FARSB: variants seen among roughly 807,000 people sequenced by gnomAD.
FARSB encodes the protein phenylalanine--tRNA ligase beta subunit.
Under a neutral mutation model 69.6 loss-of-function variants are expected in FARSB, and 40 were observed. The ratio of observed to expected loss-of-function variants is 0.57; its 90% CI spans 0.45 to 0.75. The LOEUF (loss-of-function observed/expected upper bound fraction) is 0.75, where lower values mean the gene tolerates loss of function less well. Among genes scored for constraint, FARSB ranks in the 30% least tolerant of loss-of-function variants. The pLI is 0.00. For synonymous variants in FARSB, 235 were observed against 247.2 expected, an observed-to-expected ratio of 0.95 and a Z score of 0.46; for missense variants, 632 against 722.9, an observed-to-expected ratio of 0.87 and a Z score of 1.44.
At position 222,594,993 on chromosome 2, in the gene FARSB, C is replaced by T. The variant is rs1690374297; in HGVS notation, c.1618+4935G>A. Among the ~76,000 whole-genome samples, 6 of 152,142 alleles carry T rather than the reference C, an allele frequency of 3.9e-5. No homozygotes were observed. The South Asian group carries it at 1.2e-3, about 31-fold the overall frequency. On this transcript the variant is annotated intron_variant, in intron 16 of 16. Coordinates refer to ENST00000281828, the MANE Select transcript of FARSB (RefSeq NM_005687.5). Reference sequence around the variant, plus strand: ...GCTTATTTGTTTAATATTGCTTTGTCTTTTAATTCCTTCAAAGAAGCTAAG... The same window carrying T: ...GCTTATTTGTTTAATATTGCTTTGTTTTTTAATTCCTTCAAAGAAGCTAAG...
intron 15 of FARSB, among the ~76,000 whole-genome samples, chr2:222,608,675 GA>G (rs950856833): frequency 6.6e-6 from 1 of 152,178 alleles, no homozygotes; most frequent in African/African-American, 2.4e-5. Flanking sequence ...CGCTCATTTA[GA>G]AAAGTTTCAG....
intron 15 of FARSB, among the ~76,000 whole-genome samples, chr2:222,606,729 G>T (rs1016771669): frequency 5.3e-5 from 8 of 152,096 alleles, no homozygotes; most frequent in Non-Finnish European, 1.0e-4. Context: ...TTTCAAATAG[G>T]CTCCTGTTTG....
At chr2:222,587,945 A>G (rs1265762716) in intron 16 of FARSB, among the ~76,000 whole-genome samples, 1 of 152,228 alleles carries the variant, frequency 6.6e-6, no homozygotes, top group Non-Finnish European at 1.5e-5. Flanking sequence ...AGGTGCTGGT[A>G]CCATTCCTGC....
At chr2:222,643,364 A>G (rs975218456) in intron 2 of FARSB, among the ~76,000 whole-genome samples, 1 of 152,246 alleles carries the variant, frequency 6.6e-6, no homozygotes, top group Non-Finnish European at 1.5e-5. Context: ...ATTCATTTAC[A>G]TATTATCTAC....
chr2:222,582,290 T>C (rs1213263476), intron 16 of FARSB, among the ~76,000 whole-genome samples: 2 of 152,156 alleles, frequency 1.3e-5, no homozygotes, highest in Non-Finnish European at 2.9e-5. Context: ...ATCTCCAATG[T>C]AGGCTGTCAG....
At chr2:222,599,824 T>C in intron 16 of FARSB, 104 bp downstream of exon 16, 1 of 890,726 alleles carries the variant, frequency 1.1e-6, no homozygotes, top group East Asian at 2.6e-5. Flanking sequence ...AAACTCTCCC[T>C]TTCTTTCTAA....
At chr2:222,638,318 C>T (rs1691636457) in intron 5 of FARSB, among the ~76,000 whole-genome samples, 1 of 152,016 alleles carries the variant, frequency 6.6e-6, no homozygotes, top group African/African-American at 2.4e-5. Context: ...CCAGAAATAC[C>T]AAATAAAACA....
intron 16 of FARSB, among the ~76,000 whole-genome samples, chr2:222,588,072 G>C (rs1296098732): frequency 2.0e-5 from 3 of 152,082 alleles, no homozygotes; most frequent in Non-Finnish European, 2.9e-5. Flanking sequence ...GAGAATTTTA[G>C]ACCAATATCC....
chr2:222,580,096 A>G (rs1370098), intron 16 of FARSB, among the ~76,000 whole-genome samples: 41,713 of 151,824 alleles, frequency 0.27, 6,016 homozygotes, highest in Middle Eastern at 0.43. Context: ...TTCATTACAT[A>G]TAAGTAAATA....
At chr2:222,621,634 G>A (rs1691138561) in intron 13 of FARSB, among the ~76,000 whole-genome samples, 1 of 152,170 alleles carries the variant, frequency 6.6e-6, no homozygotes, top group Non-Finnish European at 1.5e-5. Context: ...CAAGGCTGAA[G>A]TACATAAGCC....
chr2:222,617,747 G>A (rs1321840264), intron 14 of FARSB, among the ~76,000 whole-genome samples: 1 of 152,184 alleles, frequency 6.6e-6, no homozygotes, highest in African/African-American at 2.4e-5. Context: ...GCAAGGTATG[G>A]TAGCACACAC....
intron 1 of FARSB, among the ~76,000 whole-genome samples, chr2:222,655,455 T>C (rs2106021598): frequency 6.6e-6 from 1 of 152,334 alleles, no homozygotes; most frequent in Admixed American, 6.5e-5. Flanking sequence ...GAAATCATTT[T>C]ATTAACGTGC....
At chr2:222,577,614 G>T (rs543692889) in intron 16 of FARSB, among the ~76,000 whole-genome samples, 50 of 152,274 alleles carry the variant, frequency 3.3e-4, no homozygotes, top group African/African-American at 1.2e-3. Flanking sequence ...TGCTTCAAAA[G>T]AAATCAGCAA....
chr2:222,602,755 C>T (rs1003220733), intron 15 of FARSB, among the ~76,000 whole-genome samples: 2 of 151,828 alleles, frequency 1.3e-5, no homozygotes, highest in Non-Finnish European at 2.9e-5. Flanking sequence ...TATGATGCTG[C>T]GTATTTCTAT....
At chr2:222,602,376 C>T (rs964942255) in intron 15 of FARSB, among the ~76,000 whole-genome samples, 2 of 151,388 alleles carry the variant, frequency 1.3e-5, no homozygotes, top group African/African-American at 2.4e-5. Flanking sequence ...AAAAAAATTA[C>T]ATAAATGGAT....
At chr2:222,653,991 GA>G (rs562888594) in intron 1 of FARSB, among the ~76,000 whole-genome samples, 85 of 149,376 alleles carry the variant, frequency 5.7e-4, no homozygotes, top group African/African-American at 2.0e-3. Context: ...CTGACAATAT[GA>G]AAAAAAAAGG....
chr2:222,606,107 G>A (rs976225859), intron 15 of FARSB, among the ~76,000 whole-genome samples: 5 of 152,200 alleles, frequency 3.3e-5, no homozygotes, highest in Admixed American at 1.3e-4. Flanking sequence ...GTAATAATTA[G>A]ATTAACCTCA....
chr2:222,615,858 AG>A (rs2106211435), intron 14 of FARSB, among the ~76,000 whole-genome samples: 1 of 152,384 alleles, frequency 6.6e-6, no homozygotes, highest in South Asian at 2.1e-4. Flanking sequence ...TCCCCATTGG[AG>A]GGCAAGTGCC....
intron 16 of FARSB, among the ~76,000 whole-genome samples, chr2:222,593,439 T>C (rs942887621): frequency 3.0e-4 from 45 of 152,224 alleles, no homozygotes; most frequent in African/African-American, 1.1e-3. Flanking sequence ...GATCTCCAAG[T>C]CACATTGAAT....
Sources: allele counts gnomAD v4.1 joint callset (sites outside exome capture counted in the v4.1 genomes callset), GRCh38; gene constraint gnomAD v4.1.1; transcripts MANE v1.5; gene names NCBI Gene and HGNC (gene_info 2026-07-23, HGNC 2026-07-21).